Variants in FAM199X observed in about 807,000 individuals in gnomAD.
FAM199X encodes family with sequence similarity 199, X-linked.
Under a neutral mutation model 22.9 loss-of-function variants are expected in FAM199X, and 4 were observed. That is an observed-to-expected ratio of 0.17 (90% confidence interval 0.09 to 0.40). The LOEUF is 0.40. Among genes scored for constraint, FAM199X ranks in the 10% least tolerant of loss-of-function variants. FAM199X has a pLI of 1.00. For missense variants in FAM199X, 183 were observed against 306.8 expected (o/e 0.60, Z 3.01); for synonymous variants, 101 against 112.3 (o/e 0.90, Z 0.64).
chrX:104,166,432 G>A (rs1602511914), upstream of FAM199X, among the ~76,000 whole-genome samples: 1 of 111,712 alleles, frequency 9.0e-6, no homozygotes, highest in South Asian at 3.7e-4. Context: ...CCCTCCTTGC[G>A]GGCGCCGGGC....
rs1221351922 is a variant in FAM199X at position 104,190,029 on chromosome X, T to C, written c.*251T>C. The C allele has an allele frequency of 1.8e-5, 6 of 326,087 alleles. No individual in the cohort carries two copies. The highest frequency in any genetic ancestry group is 2.6e-5 in the Non-Finnish European group (5 of 188,853). 26.9% of individuals were successfully genotyped at this position (326,087 alleles called of 1,213,427 possible). Reference sequence around the variant, plus strand: ...AAACCAACAGGGAGGCGCCTAGCATTGTTTTTTTAACAAGTGCTGGGTTAT... The same window carrying C: ...AAACCAACAGGGAGGCGCCTAGCATCGTTTTTTTAACAAGTGCTGGGTTAT... On this transcript the variant is annotated 3_prime_UTR_variant, in exon 6 of 6. Transcript: ENST00000493442.
At chrX:104,177,732 T>C (rs1556376802) in intron 2 of FAM199X, among the ~76,000 whole-genome samples, 1 of 112,342 alleles carries the variant, frequency 8.9e-6, no homozygotes, top group Non-Finnish European at 1.9e-5. Context: ...TGTGTCCTCT[T>C]TGGGGAAATA....
chrX:104,186,117 C>A lies in FAM199X; in HGVS notation c.469C>A (p.Pro157Thr). ...GAGTGATGTACTTTCTGATGTCATA[C>A]CCAGTATTCCAAGTTCACCTTGCCT... The part of the protein sequence containing the change: ...SGSDVLSDVI[P>T]SIPSSPCLLP... The change falls in exon 3 of 6, where the codon CCC becomes ACC. Residue 157 changes from proline (P) to threonine (T), a missense_variant. By Grantham distance (38) the Pro-to-Thr change is conservative (BLOSUM62 -1). This residue lies in a region of FAM199X where 128 missense variants were observed against 246.2 expected (regional missense o/e 0.52). Transcript: ENST00000493442. 1.7e-6 allele frequency: 2 copies of A among 1,209,741 alleles called. No individual in the cohort carries two copies. The highest frequency in any genetic ancestry group is 2.2e-6 in the Non-Finnish European group (2 of 893,899).
rs1429623886 is a variant in FAM199X at position 104,195,494 on chromosome X, T to G, written c.*5716T>G. The G allele has an allele frequency of 8.9e-6, 1 of 111,940 alleles. No individual in the cohort carries two copies. The highest frequency in any genetic ancestry group is 1.9e-5 in the Non-Finnish European group (1 of 53,184). The allele number at this position is 111,940 out of a possible 1,213,427, so 9.2% of individuals were successfully genotyped here. On this transcript the variant is annotated 3_prime_UTR_variant, in exon 6 of 6. Coordinates refer to ENST00000493442, the MANE Select transcript of FAM199X (RefSeq NM_207318.4). Reference sequence around the variant, plus strand: ...GCATTCATAGTAAGTGAAAATTGTCTAATTTTTTTAATCCATGCTATTACT... The same window carrying G: ...GCATTCATAGTAAGTGAAAATTGTCGAATTTTTTTAATCCATGCTATTACT...
At chrX:104,164,326 T>C (rs1921102947), upstream of FAM199X, among the ~76,000 whole-genome samples, 1 of 112,384 alleles carries the variant, frequency 8.9e-6, no homozygotes, top group Non-Finnish European at 1.9e-5. Context: ...ATGCCAAGTA[T>C]GAGGTGCACC....
In FAM199X at chrX:104,171,235, C is replaced by T. The variant is rs782278682; in HGVS notation, c.197+4253C>T. Among the ~76,000 whole-genome samples, 4 of 110,779 alleles carry T rather than the reference C, an allele frequency of 3.6e-5. No homozygotes were observed. The East Asian group carries it at 8.5e-4, about 23-fold the overall frequency. ...TAGTCTGTATATTCTTGCTGAAACA[C>T]CTTGCAGAGAAATGTTCTTGGCTTT... On this transcript the variant is annotated intron_variant, in intron 1 of 5. Coordinates refer to ENST00000493442, the MANE Select transcript of FAM199X (RefSeq NM_207318.4).
At chrX:104,179,976 CTTT>C (rs1162038054) in intron 2 of FAM199X, among the ~76,000 whole-genome samples, 4 of 86,143 alleles carry the variant, frequency 4.6e-5, no homozygotes, top group Non-Finnish European at 9.1e-5. Flanking sequence ...TGAATTTTTC[CTTT>C]TTTTTTTTTT....
At position 104,191,140 on chromosome X, in the gene FAM199X, T is replaced by G. The variant is rs1921929475; in HGVS notation, c.*1362T>G. Reference sequence around the variant, plus strand: ...GAGCTGTAATCAATATTTTTCAAACTCTAAGAGTACAGAGGTTAGTAAGAT... The same window carrying G: ...GAGCTGTAATCAATATTTTTCAAACGCTAAGAGTACAGAGGTTAGTAAGAT... On this transcript the variant is annotated 3_prime_UTR_variant, in exon 6 of 6. Coordinates refer to ENST00000493442, the MANE Select transcript of FAM199X (RefSeq NM_207318.4). 8.9e-6 allele frequency: 1 copy of G among 111,788 alleles called. No individual in the cohort carries two copies. Among genetic ancestry groups the G allele is most frequent in the African/African-American group, 3.2e-5 (1 of 30,839 alleles). The allele number at this position is 111,788 out of a possible 1,213,427, so 9.2% of individuals were successfully genotyped here.
chrX:104,178,471 G>C (rs1026502025), intron 2 of FAM199X, among the ~76,000 whole-genome samples: 1 of 111,289 alleles, frequency 9.0e-6, no homozygotes, highest in Admixed American at 9.5e-5. Flanking sequence ...TTTAAGAACA[G>C]AGTCTCACTA....
chrX:104,190,134 C>T lies in FAM199X; in HGVS notation c.*356C>T. ...TTAAAGTTTATGGCGGTGAAGTGGGCGTCTTCAAAGACTAGTACTTACACA... is the reference window on the plus strand; with the variant it reads ...TTAAAGTTTATGGCGGTGAAGTGGGTGTCTTCAAAGACTAGTACTTACACA... On this transcript the variant is annotated 3_prime_UTR_variant, in exon 6 of 6. Coordinates refer to ENST00000493442, the MANE Select transcript of FAM199X (RefSeq NM_207318.4). The T allele has an allele frequency of 6.4e-6, 1 of 155,617 alleles. No homozygotes were observed. Among genetic ancestry groups the T allele is most frequent in the Admixed American group, 7.3e-5 (1 of 13,730 alleles). 12.8% of individuals were successfully genotyped at this position (155,617 alleles called of 1,213,427 possible). A position where few individuals can be genotyped will look rare whatever the true frequency, so the allele number is the denominator to read the frequency against.
In FAM199X at chrX:104,187,403, T is replaced by C. The variant is rs1192292044; in HGVS notation, c.730-637T>C. Among the ~76,000 whole-genome samples, 5 of 112,038 alleles carry C rather than the reference T, an allele frequency of 4.5e-5. No homozygotes were observed. The East Asian group carries it at 1.4e-3, about 31-fold the overall frequency. On this transcript the variant is annotated intron_variant, in intron 4 of 5. Coordinates refer to ENST00000493442, the MANE Select transcript of FAM199X (RefSeq NM_207318.4). ...GGCCTCTGGTATCTTCTAAATACAA[T>C]TTTTGCTGTTCTTTTTCTGGTACGT... is the stretch of plus-strand genomic sequence containing the variant.
At chrX:104,183,164 T>C (rs1556378285) in intron 2 of FAM199X, among the ~76,000 whole-genome samples, 1 of 111,361 alleles carries the variant, frequency 9.0e-6, no homozygotes, top group Non-Finnish European at 1.9e-5. Context: ...ATTTTGAAAG[T>C]ATAGGTATTT....
At chrX:104,187,109 T>A (rs1255685469) in intron 4 of FAM199X, among the ~76,000 whole-genome samples, 20 of 109,321 alleles carry the variant, frequency 1.8e-4, no homozygotes, top group African/African-American at 6.7e-4. Flanking sequence ...TTTTTTTTTT[T>A]TTTTGAGACA....
At chrX:104,169,037 C>T (rs1158519815) in intron 1 of FAM199X, among the ~76,000 whole-genome samples, 1 of 111,005 alleles carries the variant, frequency 9.0e-6, no homozygotes. Flanking sequence ...CCTAGGCTAC[C>T]TTGCCTTTTA....
rs1326561670 is a variant in FAM199X, at chrX:104,195,115, A to G, written c.*5337A>G. 9.0e-6 allele frequency: 1 copy of G among 110,711 alleles called. No individual in the cohort carries two copies. The highest frequency in any genetic ancestry group is 3.3e-5 in the African/African-American group (1 of 30,398). The allele number at this position is 110,711 out of a possible 1,213,427, so 9.1% of individuals were successfully genotyped here. ...TAAATGAGTGTGTATGGTTGTAATT[A>G]AAACTGGCAATGTGGCAGAGCTGTC... On this transcript the variant is annotated 3_prime_UTR_variant, in exon 6 of 6. Coordinates refer to ENST00000493442, the MANE Select transcript of FAM199X (RefSeq NM_207318.4).
intron 3 of FAM199X, 102 bp downstream of exon 3, chrX:104,186,317 G>A: frequency 1.8e-6 from 2 of 1,096,640 alleles, no homozygotes; most frequent in Non-Finnish European, 2.4e-6. Context: ...GGATTGCTTA[G>A]TAAATCTGAA....
chrX:104,179,623 C>G (rs1556377335), intron 2 of FAM199X, among the ~76,000 whole-genome samples: 2 of 111,518 alleles, frequency 1.8e-5, no homozygotes, highest in African/African-American at 3.3e-5. Flanking sequence ...TTTTCCTAAT[C>G]TGGATGCCTT....
At chrX:104,158,663 C>A in the FAM199X span, among the ~76,000 whole-genome samples, 1 of 111,784 alleles carries the variant, frequency 8.9e-6, no homozygotes, top group South Asian at 3.7e-4. Flanking sequence ...TCAGAATGTA[C>A]GGTACCCAGG....
At position 104,166,889 on chromosome X, in the gene FAM199X, G is replaced by A; in HGVS notation, c.104G>A (p.Ser35Asn). 1.7e-6 allele frequency: 2 copies of A among 1,203,600 alleles called. No individual in the cohort carries two copies. Among genetic ancestry groups the A allele is most frequent in the Non-Finnish European group, 1.1e-6 (1 of 891,000 alleles). ...GPPRGVGTCP[S>N]EEPGCLDISD... The stretch of plus-strand genomic sequence containing the variant: ...CCTCGCGGGGTGGGCACCTGCCCGA[G>A]CGAGGAGCCGGGCTGCCTGGACATC... The change falls in exon 1 of 6, where the codon AGC (serine) becomes AAC (asparagine). Residue 35 changes from serine (S) to asparagine (N), a missense_variant. By Grantham distance (46) the Ser-to-Asn change is conservative. Transcript: ENST00000493442.
Sources: allele counts gnomAD v4.1 joint callset (sites outside exome capture counted in the v4.1 genomes callset), GRCh38; gene constraint gnomAD v4.1.1; regional missense constraint gnomAD v4.1.1; transcripts MANE v1.5; gene names NCBI Gene and HGNC (gene_info 2026-07-23, HGNC 2026-07-21).